HACL2: variants seen among roughly 807,000 people sequenced by gnomAD.
HACL2 encodes the protein 2-hydroxyacyl-CoA lyase 1 like.
chr19:15,123,063 C>T, the HACL2 span: 1 of 1,609,420 alleles, frequency 6.2e-7, no homozygotes, highest in African/African-American at 1.3e-5. The surrounding 1 kb of genome is among the most constrained non-coding windows in gnomAD (Gnocchi z 5.1). Context: ...AGGGTTATCG[C>T]ATGAGCCCTT....
the HACL2 span, chr19:15,119,410 C>T: frequency 1.9e-6 from 3 of 1,614,082 alleles, no homozygotes; most frequent in Non-Finnish European, 2.5e-6. Flanking sequence ...AGGGCTGGCG[C>T]TTCTCACCGA....
the HACL2 span, chr19:15,115,698 G>A: frequency 1.1e-4 from 176 of 1,586,294 alleles, no homozygotes; most frequent in Non-Finnish European, 1.3e-4. Flanking sequence ...AAGGCAGGCC[G>A]CAGCCTTCAG....
At chr19:15,123,495 G>C in the HACL2 span, 2 of 1,614,200 alleles carry the variant, frequency 1.2e-6, no homozygotes, top group East Asian at 2.2e-5. This position sits in a 1 kb window ranked among gnomAD's most constrained non-coding sequence, Gnocchi z 5.1. Flanking sequence ...CCACCGACCA[G>C]CGTGAAGATG....
chr19:15,115,638 C>T, the HACL2 span: 1 of 1,613,992 alleles, frequency 6.2e-7, no homozygotes, highest in Non-Finnish European at 8.5e-7. Flanking sequence ...TGTGTCCAGC[C>T]AGCATCATTC....
the HACL2 span, chr19:15,122,987 C>T: frequency 2.0e-5 from 32 of 1,603,134 alleles, no homozygotes; most frequent in East Asian, 1.6e-4. This position sits in a 1 kb window ranked among gnomAD's most constrained non-coding sequence, Gnocchi z 4.0. Flanking sequence ...ACAGAGTGGC[C>T]GGAAAAGGGA....
chr19:15,117,835 G>T, the HACL2 span: 1 of 1,608,706 alleles, frequency 6.2e-7, no homozygotes, highest in Non-Finnish European at 8.5e-7. Context: ...AGGAGGAGAG[G>T]GACTGGGAGG....
At chr19:15,118,427 C>G in the HACL2 span, among the ~76,000 whole-genome samples, 1 of 152,110 alleles carries the variant, frequency 6.6e-6, no homozygotes, top group African/African-American at 2.4e-5. Flanking sequence ...GGAATGTGCT[C>G]TCTGTCTAAG....
At chr19:15,122,269 C>T in the HACL2 span, among the ~76,000 whole-genome samples, 2 of 151,980 alleles carry the variant, frequency 1.3e-5, no homozygotes, top group Non-Finnish European at 2.9e-5. The surrounding 1 kb of genome is among the most constrained non-coding windows in gnomAD (Gnocchi z 4.0). Flanking sequence ...GAGCTTCCTC[C>T]TCTGTAAATG....
the HACL2 span, among the ~76,000 whole-genome samples, chr19:15,118,230 A>G: frequency 1.3e-5 from 2 of 152,152 alleles, no homozygotes; most frequent in African/African-American, 4.8e-5. Context: ...GAGGCAGGTT[A>G]TATTTTCCCA....
At chr19:15,122,629 G>A in the HACL2 span, 1 of 1,361,920 alleles carries the variant, frequency 7.3e-7, no homozygotes. The surrounding 1 kb of genome is among the most constrained non-coding windows in gnomAD (Gnocchi z 4.0). Context: ...GGATGGGTGT[G>A]GGCTGGAAGC....
the HACL2 span, chr19:15,124,864 C>T: frequency 6.5e-6 from 10 of 1,545,598 alleles, 1 homozygote; most frequent in South Asian, 1.2e-4. Flanking sequence ...CTGGAAGCAG[C>T]ACCACGAGGC....
At chr19:15,115,268 C>A in the HACL2 span, 3 of 1,614,132 alleles carry the variant, frequency 1.9e-6, no homozygotes, top group Non-Finnish European at 2.5e-6. Flanking sequence ...AGCAATGGAG[C>A]CATCGCGGAA....
chr19:15,124,888 A>G, the HACL2 span: 2 of 1,573,910 alleles, frequency 1.3e-6, no homozygotes, highest in South Asian at 2.3e-5. Context: ...TCCCTCTTTG[A>G]CTGCCCCCAG....
chr19:15,116,407 C>A, the HACL2 span: 1 of 1,614,018 alleles, frequency 6.2e-7, no homozygotes, highest in African/African-American at 1.3e-5. Context: ...CCAGGCCCCA[C>A]CGAAAGGTCT....
the HACL2 span, chr19:15,115,364 T>C: frequency 1.5e-5 from 25 of 1,614,124 alleles, no homozygotes; most frequent in Non-Finnish European, 2.1e-5. Flanking sequence ...CTTGACCACC[T>C]GATCCTCGTT....
chr19:15,123,784 C>T, the HACL2 span: 1 of 591,636 alleles, frequency 1.7e-6, no homozygotes, highest in Non-Finnish European at 3.0e-6. The surrounding 1 kb of genome is among the most constrained non-coding windows in gnomAD (Gnocchi z 5.1). Flanking sequence ...CATTACATCC[C>T]TCTTACAGCT....
At chr19:15,119,188 C>A in the HACL2 span, 1 of 1,582,616 alleles carries the variant, frequency 6.3e-7, no homozygotes, top group Non-Finnish European at 8.6e-7. Context: ...TGACATCCGC[C>A]TTCTTCAGGG....
At chr19:15,124,954 G>A in the HACL2 span, 2 of 1,607,904 alleles carry the variant, frequency 1.2e-6, no homozygotes, top group Non-Finnish European at 1.7e-6. Flanking sequence ...AAGAGCCCCA[G>A]GCGGTGAGCG....
chr19:15,122,367 GGGA>G, the HACL2 span, among the ~76,000 whole-genome samples: 2 of 152,056 alleles, frequency 1.3e-5, no homozygotes, highest in East Asian at 1.9e-4. The surrounding 1 kb of genome is among the most constrained non-coding windows in gnomAD (Gnocchi z 4.0). Flanking sequence ...GTGGGGGAAA[GGGA>G]GGAGAAGAGG....
Sources: gnomAD v4.1 joint callset for allele counts (sites outside exome capture counted in the v4.1 genomes callset) on GRCh38, gnomAD v4.1.1 for gene constraint, Gnocchi (gnomAD v3.1) non-coding constraint, MANE v1.5 for transcripts, NCBI Gene and HGNC (gene_info 2026-07-23, HGNC 2026-07-21) for gene names.